The following NLGN1 variants were observed in gnomAD, a reference collection of about 807,000 sequenced individuals.
The protein encoded by NLGN1 is neuroligin 1.
Under a neutral mutation model 65.5 loss-of-function variants are expected in NLGN1, and 12 were observed. The observed-to-expected ratio is 0.18, with a 90% CI of 0.12 to 0.30. The LOEUF (loss-of-function observed/expected upper bound fraction) is 0.30. Among genes scored for constraint, NLGN1 ranks in the 10% least tolerant of loss-of-function variants. The pLI is 1.00. For synonymous variants in NLGN1, 350 were observed against 359.5 expected, an observed-to-expected ratio of 0.97 and a Z score of 0.30; for missense variants, 750 against 1,007.1, an observed-to-expected ratio of 0.74 and a Z score of 3.46.
chr3:174,025,713 TG>T lies in NLGN1; in HGVS notation c.646+217882del, dbSNP rs985597911. 1.2e-4 allele frequency among the ~76,000 whole-genome samples: 19 copies of T among 152,302 alleles called. No homozygotes were observed. The East Asian group carries it at 3.5e-3, about 28-fold the overall frequency. On this transcript the variant is annotated intron_variant, in intron 4 of 6. Coordinates refer to ENST00000457714, the Ensembl canonical transcript of NLGN1. ...TAGAAAGATGAGTAATTATCAGGAC[TG>T]CTAAGGATGCAGGAAGCTGGAAACA... is the stretch of plus-strand genomic sequence containing the variant.
chr3:174,041,829 G>A (rs1158530966), intron 4 of NLGN1, among the ~76,000 whole-genome samples: 7 of 152,068 alleles, frequency 4.6e-5, no homozygotes, highest in South Asian at 4.1e-4. Flanking sequence ...CTAGATGGGC[G>A]GATCACTTGA....
intron 3 of NLGN1, among the ~76,000 whole-genome samples, chr3:173,789,652 T>G (rs1334708589): frequency 6.6e-6 from 1 of 152,180 alleles, no homozygotes; most frequent in Non-Finnish European, 1.5e-5. Flanking sequence ...GACTACAGAA[T>G]TTAGCACCTG....
intron 1 of NLGN1, among the ~76,000 whole-genome samples, chr3:173,429,811 C>T (rs879001548): frequency 2.6e-5 from 4 of 152,134 alleles, no homozygotes; most frequent in Admixed American, 6.5e-5. Context: ...AGTGTATATC[C>T]CCGCTGTGTG....
At chr3:173,842,285 A>T (rs555055179) in intron 4 of NLGN1, among the ~76,000 whole-genome samples, 3 of 152,304 alleles carry the variant, frequency 2.0e-5, no homozygotes, top group African/African-American at 7.2e-5. Flanking sequence ...ATTCAAGATG[A>T]CATTTTGGTG....
chr3:174,207,226 A>G (rs1490843371), intron 4 of NLGN1, among the ~76,000 whole-genome samples: 3 of 147,884 alleles, frequency 2.0e-5, no homozygotes, highest in Non-Finnish European at 4.4e-5. Flanking sequence ...AAAGACAAGC[A>G]TTGGATACAA....
intron 4 of NLGN1, among the ~76,000 whole-genome samples, chr3:174,097,948 A>G (rs1487386206): frequency 6.6e-6 from 1 of 152,178 alleles, no homozygotes; most frequent in African/African-American, 2.4e-5. Context: ...GTGTAGCTCT[A>G]AGCATGTGTC....
chr3:173,397,053 G>A (rs1355388681), upstream of NLGN1, among the ~76,000 whole-genome samples: 1 of 152,068 alleles, frequency 6.6e-6, no homozygotes, highest in African/African-American at 2.4e-5. Flanking sequence ...ATCCTCTGAT[G>A]AAAATAAAAG....
intron 4 of NLGN1, among the ~76,000 whole-genome samples, chr3:174,162,531 C>T (rs1726746431): frequency 6.6e-6 from 1 of 151,932 alleles, no homozygotes; most frequent in African/African-American, 2.4e-5. Flanking sequence ...CTGCTATCAA[C>T]TGCATTATGT....
At chr3:174,036,584 G>GTTTTTTTTTTT in intron 4 of NLGN1, among the ~76,000 whole-genome samples, 1 of 141,690 alleles carries the variant, frequency 7.1e-6, no homozygotes, top group Non-Finnish European at 1.5e-5. Context: ...GTTTTTTGTT[G>GTTTTTTTTTTT]TTTTTTTTTT....
At chr3:173,583,374 C>T (rs1035828269) in intron 2 of NLGN1, among the ~76,000 whole-genome samples, 2 of 152,112 alleles carry the variant, frequency 1.3e-5, no homozygotes, top group Non-Finnish European at 2.9e-5. Flanking sequence ...ATGGGTTTAC[C>T]CCTTAGTGTT....
intron 2 of NLGN1, among the ~76,000 whole-genome samples, chr3:173,510,060 T>C (rs1457508299): frequency 2.0e-5 from 3 of 152,162 alleles, no homozygotes; most frequent in Non-Finnish European, 2.9e-5. Context: ...AGAATCTACA[T>C]ATGGAACAAT....
intron 3 of NLGN1, among the ~76,000 whole-genome samples, chr3:173,768,819 T>A (rs1170322826): frequency 6.6e-6 from 1 of 152,156 alleles, no homozygotes; most frequent in Non-Finnish European, 1.5e-5. Context: ...TCGCCCAGGC[T>A]GGAGTGCAGT....
intron 3 of NLGN1, among the ~76,000 whole-genome samples, chr3:173,659,260 A>G (rs1219227927): frequency 2.0e-5 from 3 of 152,074 alleles, no homozygotes; most frequent in Non-Finnish European, 4.4e-5. Flanking sequence ...TCTCATTCTT[A>G]CATTATACTC....
chr3:173,837,995 A>G (rs1723992688), intron 4 of NLGN1, among the ~76,000 whole-genome samples: 1 of 152,198 alleles, frequency 6.6e-6, no homozygotes, highest in Admixed American at 6.5e-5. Flanking sequence ...CTTAAAGCTG[A>G]AAAATATTTA....
chr3:173,803,379 G>T (rs988304606), intron 3 of NLGN1, among the ~76,000 whole-genome samples: 34 of 152,172 alleles, frequency 2.2e-4, no homozygotes, highest in African/African-American at 7.7e-4. Flanking sequence ...AGCACTCTGG[G>T]AGGCCGAGGT....
At chr3:173,734,381 A>AT (rs71162356) in intron 3 of NLGN1, among the ~76,000 whole-genome samples, 725 of 40,070 alleles carry the variant, frequency 0.018, 53 homozygotes, top group African/African-American at 0.045. Flanking sequence ...GGATAATTCT[A>AT]TTTTTTTTTT....
chr3:173,874,659 T>G lies in NLGN1; in HGVS notation c.646+66827T>G, dbSNP rs373432542. 3.9e-5 allele frequency among the ~76,000 whole-genome samples: 6 copies of G among 152,282 alleles called. No homozygotes were observed. The East Asian group carries it at 7.7e-4, about 20-fold the overall frequency. On this transcript the variant is annotated intron_variant, in intron 4 of 6. Coordinates refer to ENST00000457714, the Ensembl canonical transcript of NLGN1. The stretch of plus-strand genomic sequence containing the variant: ...GAGGTTAGTGATGATAAACATGTAA[T>G]TTTCCCCCTCATCCAAGTTCCACAG...
chr3:174,249,043 T>A (rs1744309671), intron 4 of NLGN1, among the ~76,000 whole-genome samples: 1 of 152,230 alleles, frequency 6.6e-6, no homozygotes, highest in African/African-American at 2.4e-5. Flanking sequence ...TTAGAGGGGA[T>A]GTAGCAATTC....
At chr3:173,657,156 C>T (rs1310138921) in intron 3 of NLGN1, among the ~76,000 whole-genome samples, 2 of 151,836 alleles carry the variant, frequency 1.3e-5, no homozygotes. Context: ...GTTTAACTCC[C>T]GAATTTCACT....
Sources: allele counts gnomAD v4.1 joint callset (sites outside exome capture counted in the v4.1 genomes callset), GRCh38; gene constraint gnomAD v4.1.1; transcripts MANE v1.5; gene names NCBI Gene and HGNC (gene_info 2026-07-23, HGNC 2026-07-21).